PTPRD: variants seen among roughly 807,000 people sequenced by gnomAD.
The protein encoded by PTPRD is receptor-type tyrosine-protein phosphatase delta.
Under a neutral mutation model 214.5 loss-of-function variants are expected in PTPRD, and 34 were observed. The ratio of observed to expected loss-of-function variants is 0.16; its 90% confidence interval spans 0.12 to 0.21. The LOEUF (loss-of-function observed/expected upper bound fraction) is 0.21, where lower values mean the gene tolerates loss of function less well. PTPRD is among the 10% of genes least tolerant of loss of function. PTPRD has a pLI of 1.00. For synonymous variants in PTPRD, 1,128 were observed against 845.7 expected, an observed-to-expected ratio of 1.33 and a Z score of -5.79; for missense variants, 2,545 against 2,398.7, an observed-to-expected ratio of 1.06 and a Z score of -1.27.
chr9:10,240,015 T>C (rs1436663956), intron 3 of PTPRD, among the ~76,000 whole-genome samples: 1 of 151,924 alleles, frequency 6.6e-6, no homozygotes, highest in Non-Finnish European at 1.5e-5. Context: ...TCCTACCCCA[T>C]ACTGAGGAGG....
intron 3 of PTPRD, among the ~76,000 whole-genome samples, chr9:10,310,298 C>G (rs1284297665): frequency 6.6e-6 from 1 of 151,908 alleles, no homozygotes; most frequent in African/African-American, 2.4e-5. Context: ...ATGTACATAG[C>G]AAAAGAAATA....
At position 8,331,573 on chromosome 9, in the gene PTPRD, G is replaced by T; in HGVS notation, c.5534+9C>A. On this transcript the variant is annotated intron_variant, in intron 44 of 45. Transcript: ENST00000381196. ...CTTATCACTGCTTTATTCACAAATG[G>T]AAACTTACCTGCAATGGACTGAAAT... 6.3e-7 allele frequency: 1 copy of T among 1,597,670 alleles called. No homozygotes were observed. Among genetic ancestry groups the T allele is most frequent in the Non-Finnish European group, 8.5e-7 (1 of 1,174,004 alleles).
chr9:8,568,722 T>A (rs557748978), intron 14 of PTPRD, among the ~76,000 whole-genome samples: 2 of 152,038 alleles, frequency 1.3e-5, no homozygotes, highest in African/African-American at 4.8e-5. Context: ...AATAAAAACC[T>A]CCAGTATAAA....
At chr9:8,757,981 T>A (rs2094140128) in intron 11 of PTPRD, among the ~76,000 whole-genome samples, 1 of 152,164 alleles carries the variant, frequency 6.6e-6, no homozygotes. Context: ...GGTGTTACAT[T>A]CTCCACTTTC....
intron 36 of PTPRD, among the ~76,000 whole-genome samples, chr9:8,390,441 G>A (rs886929768): frequency 2.6e-5 from 4 of 152,006 alleles, no homozygotes; most frequent in Non-Finnish European, 5.9e-5. Context: ...ACACCCAGCC[G>A]CCATCCCAGA....
intron 11 of PTPRD, among the ~76,000 whole-genome samples, chr9:8,944,760 T>A (rs187512270): frequency 8.6e-4 from 130 of 151,976 alleles, no homozygotes; most frequent in African/African-American, 2.8e-3. Context: ...AATAGTGGGG[T>A]TGGGGTGAAA....
chr9:9,138,142 C>T (rs2099853921), intron 10 of PTPRD, among the ~76,000 whole-genome samples: 1 of 149,680 alleles, frequency 6.7e-6, no homozygotes, highest in Non-Finnish European at 1.5e-5. Context: ...GCAAAGAAAT[C>T]TTTTTTTTTT....
intron 3 of PTPRD, among the ~76,000 whole-genome samples, chr9:10,131,765 A>G (rs1341200641): frequency 1.3e-5 from 2 of 152,120 alleles, no homozygotes; most frequent in Non-Finnish European, 2.9e-5. Context: ...AAGATGTACT[A>G]CTTCACAATT....
intron 11 of PTPRD, among the ~76,000 whole-genome samples, chr9:8,796,156 T>C (rs921879381): frequency 3.9e-5 from 6 of 152,168 alleles, no homozygotes; most frequent in African/African-American, 1.4e-4. Flanking sequence ...GGAATATACA[T>C]GTTTATCTAT....
At chr9:10,102,276 A>T (rs541280590) in intron 3 of PTPRD, among the ~76,000 whole-genome samples, 1 of 151,602 alleles carries the variant, frequency 6.6e-6, no homozygotes, top group East Asian at 1.9e-4. Flanking sequence ...TTTGCCATAG[A>T]TCCTTCAATA....
chr9:8,321,487 G>GTGTGTA (rs1168847469), intron 44 of PTPRD, among the ~76,000 whole-genome samples: 15 of 44,542 alleles, frequency 3.4e-4, no homozygotes, highest in South Asian at 1.0e-3. Context: ...GTGTGTGTGT[G>GTGTGTA]TATATATATA....
At chr9:8,989,792 T>G (rs2099359322) in intron 11 of PTPRD, among the ~76,000 whole-genome samples, 1 of 152,122 alleles carries the variant, frequency 6.6e-6, no homozygotes, top group Non-Finnish European at 1.5e-5. Flanking sequence ...GATAACGTGC[T>G]CCTAAGAATT....
rs181666423 is a variant in PTPRD, at chr9:10,534,529, C to T, written c.-600+77869G>A. On this transcript the variant is annotated intron_variant, in intron 2 of 45. Coordinates refer to ENST00000381196, the MANE Select transcript of PTPRD (RefSeq NM_002839.4). ...GCTTCCTAGGCAGGTATTTTTATAG[C>T]CCATTAACATAAATATGTGATTAAA... Among the ~76,000 whole-genome samples the T allele has an allele frequency of 9.9e-4, 151 of 152,044 alleles. 1 individual carries two copies. The highest frequency in any genetic ancestry group is 1.8e-3 in the Non-Finnish European group (120 of 67,974).
At chr9:8,491,087 G>A (rs185038362) in intron 27 of PTPRD, among the ~76,000 whole-genome samples, 7 of 152,336 alleles carry the variant, frequency 4.6e-5, no homozygotes, top group South Asian at 2.1e-4. Flanking sequence ...CTAGAGCTTC[G>A]CTCTTAAAGG....
intron 10 of PTPRD, among the ~76,000 whole-genome samples, chr9:9,119,352 A>G (rs1329394495): frequency 6.6e-6 from 1 of 151,556 alleles, no homozygotes; most frequent in Non-Finnish European, 1.5e-5. Context: ...AATCTGATTT[A>G]GCAAAAATGG....
chr9:10,565,943 C>T (rs2065466901), intron 2 of PTPRD, among the ~76,000 whole-genome samples: 1 of 151,952 alleles, frequency 6.6e-6, no homozygotes, highest in Non-Finnish European at 1.5e-5. Flanking sequence ...CTTCATCATT[C>T]TTCTGCTTTT....
chr9:9,646,859 G>C (rs114370415), intron 7 of PTPRD, among the ~76,000 whole-genome samples: 4 of 152,174 alleles, frequency 2.6e-5, no homozygotes, highest in African/African-American at 7.2e-5. Flanking sequence ...GTATATTGTA[G>C]TACAATAATG....
chr9:10,171,896 T>G (rs953444013), intron 3 of PTPRD, among the ~76,000 whole-genome samples: 1 of 152,050 alleles, frequency 6.6e-6, no homozygotes, highest in Non-Finnish European at 1.5e-5. Flanking sequence ...AACCCAGGAA[T>G]AGTAGGCAGT....
At chr9:8,681,143 T>C (rs10977249) in intron 12 of PTPRD, among the ~76,000 whole-genome samples, 1 of 152,286 alleles carries the variant, frequency 6.6e-6, no homozygotes, top group East Asian at 1.9e-4. Context: ...CAATCACGCC[T>C]CATGCCAACA....
Sources: gnomAD v4.1 joint callset for allele counts (sites outside exome capture counted in the v4.1 genomes callset) on GRCh38, gnomAD v4.1.1 for gene constraint, MANE v1.5 for transcripts, NCBI Gene and HGNC (gene_info 2026-07-23, HGNC 2026-07-21) for gene names.